Variants in VWC2 observed in about 807,000 individuals in gnomAD.
The protein encoded by VWC2 is von Willebrand factor C domain containing 2.
Under a neutral mutation model 29.8 loss-of-function variants are expected in VWC2, and 14 were observed. The ratio of observed to expected loss-of-function variants is 0.47; its 90% CI spans 0.31 to 0.74. The LOEUF is 0.74. Ranked by LOEUF, VWC2 falls within the 30% of genes least tolerant of loss-of-function variation. VWC2 has a pLI of 0.05. For synonymous variants in VWC2, 213 were observed against 199.0 expected, an observed-to-expected ratio of 1.07 and a Z score of -0.59; for missense variants, 457 against 459.8, an observed-to-expected ratio of 0.99 and a Z score of 0.05.
chr7:49,917,799 G>T lies in VWC2; in HGVS notation c.*5614G>T, dbSNP rs1321658516. Reference sequence around the variant, plus strand: ...AATATTTTCTATTATTTGAATTTCTGTAATTTATGTTTTAGAAAGAACTGT... The same window carrying T: ...AATATTTTCTATTATTTGAATTTCTTTAATTTATGTTTTAGAAAGAACTGT... On this transcript the variant is annotated 3_prime_UTR_variant, in exon 4 of 4. Coordinates refer to ENST00000340652, the MANE Select transcript of VWC2 (RefSeq NM_198570.5). The T allele has an allele frequency of 1.3e-5, 2 of 151,194 alleles. No homozygotes were observed. The highest frequency in any genetic ancestry group is 6.8e-5 in the Admixed American group (1 of 14,754). The allele number at this position is 151,194 out of a possible 1,614,324, so 9.4% of individuals were successfully genotyped here.
chr7:49,871,453 T>A (rs1791144534), intron 3 of VWC2, among the ~76,000 whole-genome samples: 1 of 152,182 alleles, frequency 6.6e-6, no homozygotes, highest in East Asian at 1.9e-4. Flanking sequence ...ACTGTATACA[T>A]TCATGAGCTA....
chr7:49,875,185 T>A (rs1791349035), intron 3 of VWC2, among the ~76,000 whole-genome samples: 1 of 151,012 alleles, frequency 6.6e-6, no homozygotes, highest in Admixed American at 6.6e-5. Context: ...GCCTGGCCAA[T>A]ATGGTGAAAC....
intron 2 of VWC2, among the ~76,000 whole-genome samples, chr7:49,777,166 C>G (rs1264032306): frequency 6.6e-6 from 1 of 152,162 alleles, no homozygotes; most frequent in Non-Finnish European, 1.5e-5. Context: ...TGGACTTAGC[C>G]CATTGACTTA....
chr7:49,806,997 C>G (rs1788893103), intron 3 of VWC2, among the ~76,000 whole-genome samples: 1 of 152,106 alleles, frequency 6.6e-6, no homozygotes, highest in Admixed American at 6.5e-5. Flanking sequence ...AGCTGTATTT[C>G]TGTATACCAG....
In VWC2 at chr7:49,853,649, G is replaced by T. The variant is rs184825534; in HGVS notation, c.826+50809G>T. On this transcript the variant is annotated intron_variant, in intron 3 of 3. Transcript: ENST00000340652. ...CGTAACATAAAGTATGTTTATGAAC[G>T]TTTGTTTTTCTTCTTGTCATTTATT... Among the ~76,000 whole-genome samples the T allele has an allele frequency of 2.0e-5, 3 of 151,762 alleles. No homozygotes were observed. The East Asian group carries it at 5.8e-4, about 29-fold the overall frequency.
intron 3 of VWC2, among the ~76,000 whole-genome samples, chr7:49,846,472 A>G (rs1789950395): frequency 6.6e-6 from 1 of 152,176 alleles, no homozygotes; most frequent in African/African-American, 2.4e-5. Context: ...ACGTCTTTGC[A>G]TATGCCTTTT....
chr7:49,834,175 G>A (rs1202187785), intron 3 of VWC2, among the ~76,000 whole-genome samples: 2 of 152,138 alleles, frequency 1.3e-5, no homozygotes, highest in Non-Finnish European at 2.9e-5. Context: ...TCTGATCTGT[G>A]CGCAGGGCTG....
At position 49,776,225 on chromosome 7, in the gene VWC2, C is replaced by T. The variant is rs1788051902; in HGVS notation, c.696+94C>T. The T allele has an allele frequency of 1.4e-5, 16 of 1,132,104 alleles. No homozygotes were observed. The Middle Eastern group carries it at 8.1e-4, about 57-fold the overall frequency. 70.1% of individuals were successfully genotyped at this position (1,132,104 alleles called of 1,614,324 possible). On this transcript the variant is annotated intron_variant, in intron 2 of 3. Transcript: ENST00000340652. ...GGTCCCCCACTTTGAAGAAGAGGTGCTCTCTGGTTCTGAGAGGTGGAGAGC... is the reference window on the plus strand; with the variant it reads ...GGTCCCCCACTTTGAAGAAGAGGTGTTCTCTGGTTCTGAGAGGTGGAGAGC...
chr7:49,844,500 A>G (rs1354814407), intron 3 of VWC2, among the ~76,000 whole-genome samples: 4 of 152,286 alleles, frequency 2.6e-5, no homozygotes, highest in Middle Eastern at 3.4e-3. Context: ...TACTCAATTA[A>G]TTGTATATCC....
At chr7:49,896,457 A>G (rs532385826) in intron 3 of VWC2, among the ~76,000 whole-genome samples, 10 of 152,338 alleles carry the variant, frequency 6.6e-5, no homozygotes, top group East Asian at 3.9e-4. Flanking sequence ...TCCTAAATCA[A>G]TAATTAAGTT....
At chr7:49,793,552 A>G (rs577406352) in intron 2 of VWC2, among the ~76,000 whole-genome samples, 93 of 152,162 alleles carry the variant, frequency 6.1e-4, no homozygotes, top group Middle Eastern at 3.4e-3. Flanking sequence ...TGATAGAAGC[A>G]ACATAATACC....
intron 3 of VWC2, among the ~76,000 whole-genome samples, chr7:49,882,788 T>G (rs1350587876): frequency 6.6e-6 from 1 of 152,194 alleles, no homozygotes; most frequent in African/African-American, 2.4e-5. Context: ...CAACTTTTTT[T>G]TCTAAAAGGA....
At chr7:49,833,787 G>C (rs747344829) in intron 3 of VWC2, among the ~76,000 whole-genome samples, 54 of 152,256 alleles carry the variant, frequency 3.5e-4, no homozygotes, top group Admixed American at 9.2e-4. Flanking sequence ...AACCAGACAA[G>C]AGTTGACCCC....
rs544230646 is a variant in VWC2, at chr7:49,914,438, C to T, written c.*2253C>T. On this transcript the variant is annotated 3_prime_UTR_variant, in exon 4 of 4. Transcript: ENST00000340652. ...TTAGTTTGACCTGCAGGGTCACCAG[C>T]ACACACTCCTAAGAGCTAAAGCTCA... is the stretch of plus-strand genomic sequence containing the variant. 18 of 152,346 alleles carry T rather than the reference C, an allele frequency of 1.2e-4. No individual in the cohort carries two copies. The highest frequency in any genetic ancestry group is 5.2e-4 in the Admixed American group (8 of 15,302). The allele number at this position is 152,346 out of a possible 1,614,324, so 9.4% of individuals were successfully genotyped here.
At chr7:49,827,882 A>G (rs777789368) in intron 3 of VWC2, among the ~76,000 whole-genome samples, 1 of 152,210 alleles carries the variant, frequency 6.6e-6, no homozygotes, top group African/African-American at 2.4e-5. Flanking sequence ...GCTTTCTTAT[A>G]TATTCTGATC....
In VWC2 at chr7:49,775,337, G is replaced by T. The variant is rs1282347153; in HGVS notation, c.-99G>T. ...GTGCTGCTGTTCTCTCCGCAGGGAC[G>T]GCGGCTCCCGGCTGGCGGCGGCGCG... On this transcript the variant is annotated 5_prime_UTR_variant, in exon 2 of 4. Transcript: ENST00000340652. 6.2e-6 allele frequency: 6 copies of T among 973,976 alleles called. No homozygotes were observed. Among genetic ancestry groups the T allele is most frequent in the East Asian group, 3.4e-5 (1 of 29,052 alleles). The allele number at this position is 973,976 out of a possible 1,614,324, so 60.3% of individuals were successfully genotyped here.
At chr7:49,903,993 A>G (rs1000057468) in intron 3 of VWC2, among the ~76,000 whole-genome samples, 2 of 152,152 alleles carry the variant, frequency 1.3e-5, no homozygotes, top group Non-Finnish European at 2.9e-5. Context: ...GCATGGGGGA[A>G]GGCTGGTCAC....
chr7:49,907,776 T>C (rs988142777), intron 3 of VWC2, among the ~76,000 whole-genome samples: 1 of 152,210 alleles, frequency 6.6e-6, no homozygotes, highest in African/African-American at 2.4e-5. Flanking sequence ...TATTCAAAGA[T>C]GTTCTGATTG....
rs1346790226 is a variant in VWC2, at chr7:49,918,606, T to C, written c.*6421T>C. The C allele has an allele frequency of 6.6e-6, 1 of 152,230 alleles. No individual in the cohort carries two copies. Among genetic ancestry groups the C allele is most frequent in the Non-Finnish European group, 1.5e-5 (1 of 68,040 alleles). The allele number at this position is 152,230 out of a possible 1,614,324, so 9.4% of individuals were successfully genotyped here. ...GAAATTTACAAAATATAACCAAATA[T>C]TGTGACCCAGTTTTTCTGGAGCCAA... On this transcript the variant is annotated 3_prime_UTR_variant, in exon 4 of 4. Transcript: ENST00000340652.
Sources: allele counts gnomAD v4.1 joint callset (sites outside exome capture counted in the v4.1 genomes callset), GRCh38; gene constraint gnomAD v4.1.1; transcripts MANE v1.5; gene names NCBI Gene and HGNC (gene_info 2026-07-23, HGNC 2026-07-21).